Variants in ADRA1A observed in about 807,000 individuals in gnomAD.
ADRA1A encodes the protein alpha-1A adrenergic receptor.
A neutral mutation model predicts 29.6 loss-of-function variants in ADRA1A; 31 were observed. The observed-to-expected ratio is 1.05, with a 90% CI of 0.79 to 1.41. The LOEUF (loss-of-function observed/expected upper bound fraction) is 1.41, where lower values mean the gene tolerates loss of function less well. Ranked by LOEUF, ADRA1A falls within the 40% of genes most tolerant of loss-of-function variation. The pLI is 0.00. For missense variants in ADRA1A, 619 were observed against 601.1 expected, an observed-to-expected ratio of 1.03 and a Z score of -0.31; for synonymous variants, 311 against 254.3, an observed-to-expected ratio of 1.22 and a Z score of -2.12.
rs76010613 is a variant in ADRA1A, at chr8:26,785,421, A to T, written c.884-14755T>A. Among the ~76,000 whole-genome samples, 250 of 152,344 alleles carry T rather than the reference A, an allele frequency of 1.6e-3. 5 individuals carry two copies. The East Asian group carries it at 0.044, about 27-fold the overall frequency. On this transcript the variant is annotated intron_variant, in intron 2 of 2. Transcript: ENST00000380573. ...ACGTCTGGACTACAAATACGCAAGGATGTCAACATTCAGAAAAGATCAGGA... is the reference window on the plus strand; with the variant it reads ...ACGTCTGGACTACAAATACGCAAGGTTGTCAACATTCAGAAAAGATCAGGA...
In ADRA1A at chr8:26,796,696, T is replaced by C. The variant is rs1362750646; in HGVS notation, c.884-26030A>G. ...GGGAATGATGCTAAAGGAGGGTCAG[T>C]GTAAAAGTGGATAGAGAGATGATTA... On this transcript the variant is annotated intron_variant, in intron 2 of 2. Transcript: ENST00000380573. The surrounding 1 kb of genome is among the most constrained non-coding windows in gnomAD (Gnocchi z 5.0). 6.6e-6 allele frequency among the ~76,000 whole-genome samples: 1 copy of C among 151,854 alleles called. No homozygotes were observed. The highest frequency in any genetic ancestry group is 6.6e-5 in the Admixed American group (1 of 15,228).
At chr8:26,780,691 A>C (rs1806912605) in intron 2 of ADRA1A, among the ~76,000 whole-genome samples, 1 of 152,232 alleles carries the variant, frequency 6.6e-6, no homozygotes, top group African/African-American at 2.4e-5. Context: ...GCTGTATGGC[A>C]GGAGGTGTGT....
At position 26,865,522 on chromosome 8, in the gene ADRA1A, G is replaced by A. The variant is rs1261305102; in HGVS notation, c.-553C>T. On this transcript the variant is annotated 5_prime_UTR_variant, in exon 2 of 3. Transcript: ENST00000380573. This position sits in a 1 kb window ranked among gnomAD's most constrained non-coding sequence, Gnocchi z 7.6. ...GGTTGGGCGCTGCTCCTGGCCCGCA[G>A]TTACCTACATTTTGAGCTGCCCCAC... is the stretch of plus-strand genomic sequence containing the variant. 9.1e-6 allele frequency: 9 copies of A among 992,822 alleles called. No individual in the cohort carries two copies. Among genetic ancestry groups the A allele is most frequent in the African/African-American group, 1.7e-5 (1 of 57,212 alleles). 61.5% of individuals were successfully genotyped at this position (992,822 alleles called of 1,614,324 possible).
Position 26,831,102 on chromosome 8 carries a change from C to T in ADRA1A, c.883+32985G>A, listed in dbSNP as rs928314089. 2.6e-5 allele frequency among the ~76,000 whole-genome samples: 4 copies of T among 152,134 alleles called. No individual in the cohort carries two copies. The highest frequency in any genetic ancestry group is 9.7e-5 in the African/African-American group (4 of 41,434). ...CTGGTTGGGGCTCTGCCATCACAGT[C>T]TCTGGAGCTGTAACCTAATCACATA... On this transcript the variant is annotated intron_variant, in intron 2 of 2. Coordinates refer to ENST00000380573, the MANE Select transcript of ADRA1A (RefSeq NM_000680.4). This position sits in a 1 kb window ranked among gnomAD's most constrained non-coding sequence, Gnocchi z 5.2.
At chr8:26,859,050 T>A in intron 2 of ADRA1A, 9 of 1,270,656 alleles carry the variant, frequency 7.1e-6, no homozygotes, top group Non-Finnish European at 9.2e-6. Flanking sequence ...CCTGGGTCAG[T>A]CCCTATTAAA....
At chr8:26,800,458 A>G (rs1808493000) in intron 2 of ADRA1A, among the ~76,000 whole-genome samples, 1 of 152,160 alleles carries the variant, frequency 6.6e-6, no homozygotes, top group South Asian at 2.1e-4. Flanking sequence ...ATGGTGTAAG[A>G]GTAATTGAAT....
rs1810517767 is a variant in ADRA1A, at chr8:26,825,861, T to C, written c.883+38226A>G. ...TAAAACAGAAAATCGACTTCCAAGT[T>C]CTGCGCACTGGTGTTTGCATGAGGA... On this transcript the variant is annotated intron_variant, in intron 2 of 2. Coordinates refer to ENST00000380573, the MANE Select transcript of ADRA1A (RefSeq NM_000680.4). The surrounding 1 kb of genome is among the most constrained non-coding windows in gnomAD (Gnocchi z 5.7). Among the ~76,000 whole-genome samples, 1 of 152,244 alleles carries C rather than the reference T, an allele frequency of 6.6e-6. No homozygotes were observed. Among genetic ancestry groups the C allele is most frequent in the Non-Finnish European group, 1.5e-5 (1 of 68,040 alleles).
intron 2 of ADRA1A, among the ~76,000 whole-genome samples, chr8:26,816,847 C>T (rs1410483806): frequency 2.0e-5 from 3 of 152,196 alleles, no homozygotes; most frequent in African/African-American, 7.2e-5. Flanking sequence ...TTTGAACCTC[C>T]CTCTCACTCT....
intron 2 of ADRA1A, among the ~76,000 whole-genome samples, chr8:26,845,516 C>T (rs1812137827): frequency 1.3e-5 from 2 of 152,262 alleles, no homozygotes; most frequent in South Asian, 4.1e-4. Flanking sequence ...CTGTGAAAAA[C>T]AATTTGGCAG....
At position 26,806,078 on chromosome 8, in the gene ADRA1A, C is replaced by T. The variant is rs1047964402; in HGVS notation, c.884-35412G>A. Among the ~76,000 whole-genome samples the T allele has an allele frequency of 1.6e-4, 24 of 152,218 alleles. No individual in the cohort carries two copies. The highest frequency in any genetic ancestry group is 1.6e-3 in the Admixed American group (24 of 15,284). ...GCTCTTCCTATTTTATCCTTCCAGG[C>T]ATGTGGCAGCTTTACCTAATGACCG... is the stretch of plus-strand genomic sequence containing the variant. On this transcript the variant is annotated intron_variant, in intron 2 of 2. Coordinates refer to ENST00000380573, the MANE Select transcript of ADRA1A (RefSeq NM_000680.4). This position sits in a 1 kb window ranked among gnomAD's most constrained non-coding sequence, Gnocchi z 4.6.
At chr8:26,832,175 G>A (rs1276771399) in intron 2 of ADRA1A, among the ~76,000 whole-genome samples, 2 of 152,210 alleles carry the variant, frequency 1.3e-5, no homozygotes, top group Non-Finnish European at 2.9e-5. Flanking sequence ...TTGATCTTCA[G>A]GTGGGATCTC....
At chr8:26,814,819 G>T (rs1043431609) in intron 2 of ADRA1A, among the ~76,000 whole-genome samples, 14 of 152,054 alleles carry the variant, frequency 9.2e-5, no homozygotes, top group Admixed American at 2.6e-4. Flanking sequence ...TGAATTTTTA[G>T]TACTCAACAT....
chr8:26,792,149 C>A (rs907006916), intron 2 of ADRA1A, among the ~76,000 whole-genome samples: 2 of 152,110 alleles, frequency 1.3e-5, no homozygotes, highest in African/African-American at 2.4e-5. Context: ...AACCCAAGTG[C>A]GCTTTTGAAT....
chr8:26,822,605 T>C (rs576039576), intron 2 of ADRA1A, among the ~76,000 whole-genome samples: 23 of 152,232 alleles, frequency 1.5e-4, no homozygotes, highest in Admixed American at 7.9e-4. Context: ...GACATTGTAG[T>C]ATACAACCTA....
intron 2 of ADRA1A, among the ~76,000 whole-genome samples, chr8:26,858,492 A>G (rs1813204539): frequency 6.6e-6 from 1 of 152,196 alleles, no homozygotes; most frequent in Non-Finnish European, 1.5e-5. Context: ...TGGGCAGCTG[A>G]CCTATATAAC....
rs532833836 is a variant in ADRA1A, at chr8:26,768,919, G to A, written c.*1230C>T. 1.0e-6 allele frequency: 1 copy of A among 985,426 alleles called. No individual in the cohort carries two copies. The highest frequency in any genetic ancestry group is 1.7e-5 in the African/African-American group (1 of 57,346). The allele number at this position is 985,426 out of a possible 1,614,324, so 61.0% of individuals were successfully genotyped here. ...AATAGATGAAGTTGAGTTGACTACT[G>A]GATCTTTTACCAGAACAAATGGCCT... On this transcript the variant is annotated 3_prime_UTR_variant, in exon 3 of 3. Transcript: ENST00000380573.
chr8:26,763,630 TG>T (rs942894121), downstream of ADRA1A, among the ~76,000 whole-genome samples: 3 of 151,306 alleles, frequency 2.0e-5, no homozygotes, highest in Non-Finnish European at 2.9e-5. This position sits in a 1 kb window ranked among gnomAD's most constrained non-coding sequence, Gnocchi z 4.5. Flanking sequence ...CAATGGCATA[TG>T]AAAAAAATAT....
In ADRA1A at chr8:26,811,143, TGAAGGCTG is replaced by T. The variant is rs1809353145; in HGVS notation, c.884-40485_884-40478del. 2.0e-5 allele frequency among the ~76,000 whole-genome samples: 3 copies of T among 152,260 alleles called. No individual in the cohort carries two copies. In the South Asian group the frequency reaches 6.2e-4, roughly 32 times the overall value. The stretch of plus-strand genomic sequence containing the variant: ...GAGGCCCTAGGGTGAGAAATAGAAA[TGAAGGCTG>T]GATTCTGTCCATTTGGGTCTCACTG... On this transcript the variant is annotated intron_variant, in intron 2 of 2. Transcript: ENST00000380573.
intron 2 of ADRA1A, among the ~76,000 whole-genome samples, chr8:26,758,379 A>G (rs1378182856): frequency 6.6e-6 from 1 of 152,204 alleles, no homozygotes; most frequent in Admixed American, 6.5e-5. Flanking sequence ...GTGCTTGAAG[A>G]TACTTTAAAG....
Sources: allele counts gnomAD v4.1 joint callset (sites outside exome capture counted in the v4.1 genomes callset), GRCh38; gene constraint gnomAD v4.1.1; non-coding constraint Gnocchi (gnomAD v3.1); transcripts MANE v1.5; gene names NCBI Gene and HGNC (gene_info 2026-07-23, HGNC 2026-07-21).